Variants in TANC2 observed in about 807,000 individuals in gnomAD.
The protein encoded by TANC2 is protein TANC2.
TANC2 carries 26 observed loss-of-function variants against 210.5 expected under a neutral mutation model. The observed-to-expected ratio is 0.12, with a 90% CI of 0.09 to 0.17. The LOEUF is 0.17. Ranked by LOEUF, TANC2 falls within the 10% of genes least tolerant of loss-of-function variation. TANC2 has a pLI of 1.00. For missense variants in TANC2, 2,129 were observed against 2,608.9 expected (o/e 0.82, Z 4.01); for synonymous variants, 931 against 967.1 (o/e 0.96, Z 0.69).
intron 8 of TANC2, among the ~76,000 whole-genome samples, chr17:63,245,222 C>G (rs752849971): frequency 6.6e-6 from 1 of 152,074 alleles, no homozygotes; most frequent in Non-Finnish European, 1.5e-5. Flanking sequence ...CAAACTATAT[C>G]CTGTTCAGAC....
At chr17:63,356,701 CATATAA>C (rs932897548) in intron 14 of TANC2, among the ~76,000 whole-genome samples, 5 of 152,178 alleles carry the variant, frequency 3.3e-5, no homozygotes, top group African/African-American at 9.7e-5. Context: ...AAATTACCTG[CATATAA>C]ATCCTGCCTC....
At chr17:63,417,548 A>AT (rs1264101667) in intron 26 of TANC2, among the ~76,000 whole-genome samples, 5 of 152,006 alleles carry the variant, frequency 3.3e-5, no homozygotes, top group Non-Finnish European at 7.4e-5. Flanking sequence ...TTTATTTTTA[A>AT]TTTTAAGTGT....
intron 3 of TANC2, among the ~76,000 whole-genome samples, chr17:63,098,488 T>C (rs1467129838): frequency 1.2e-5 from 1 of 83,410 alleles, no homozygotes; most frequent in Non-Finnish European, 2.2e-5. Context: ...ACATACACTC[T>C]CTCTCTCTCT....
chr17:63,113,987 T>C (rs1445319412), intron 4 of TANC2, among the ~76,000 whole-genome samples: 2 of 152,240 alleles, frequency 1.3e-5, no homozygotes, highest in African/African-American at 4.8e-5. Context: ...GAAAAAATTA[T>C]GTATACATCT....
chr17:62,974,301 T>C (rs1165892070), intron 1 of TANC2, among the ~76,000 whole-genome samples: 1 of 152,234 alleles, frequency 6.6e-6, no homozygotes, highest in African/African-American at 2.4e-5. Context: ...TATTCCTTTT[T>C]TTTTCTTTAA....
At chr17:63,111,586 A>G (rs1364499090) in intron 4 of TANC2, among the ~76,000 whole-genome samples, 1 of 151,070 alleles carries the variant, frequency 6.6e-6, no homozygotes, top group East Asian at 1.9e-4. Flanking sequence ...ATGGTTTTCT[A>G]CTCTTCATCT....
intron 7 of TANC2, among the ~76,000 whole-genome samples, chr17:63,227,345 A>G (rs2042354749): frequency 6.6e-6 from 1 of 152,122 alleles, no homozygotes; most frequent in South Asian, 2.1e-4. Context: ...GCATTTCTCT[A>G]ATGATCAATG....
At chr17:63,066,871 G>A (rs1430320653) in intron 2 of TANC2, among the ~76,000 whole-genome samples, 1 of 152,040 alleles carries the variant, frequency 6.6e-6, no homozygotes, top group East Asian at 1.9e-4. Context: ...TTAGGGAAAT[G>A]GAAAGTGCTG....
chr17:62,970,902 C>T (rs914592537), intron 1 of TANC2, among the ~76,000 whole-genome samples: 1 of 152,110 alleles, frequency 6.6e-6, no homozygotes, highest in Admixed American at 6.5e-5. Context: ...CTAATCAAGG[C>T]ACCAAATATT....
In TANC2 at chr17:63,311,148, G is replaced by A. The variant is rs2045112143; in HGVS notation, c.1160-3240G>A. Reference sequence around the variant, plus strand: ...ACTGTTGTGCCAGTTAGCATGCTTAGAAATAGTTTCTGGCATATAGTAAAG... The same window carrying A: ...ACTGTTGTGCCAGTTAGCATGCTTAAAAATAGTTTCTGGCATATAGTAAAG... On this transcript the variant is annotated intron_variant, in intron 9 of 27. Coordinates refer to ENST00000689528, the Ensembl canonical transcript of TANC2. Among the ~76,000 whole-genome samples the A allele has an allele frequency of 3.3e-5, 5 of 152,186 alleles. No individual in the cohort carries two copies. The South Asian group carries it at 1.0e-3, about 32-fold the overall frequency.
chr17:63,262,098 AACAC>A (rs902941146), intron 8 of TANC2, among the ~76,000 whole-genome samples: 1 of 152,150 alleles, frequency 6.6e-6, no homozygotes, highest in African/African-American at 2.4e-5. Context: ...AAATTAGTAT[AACAC>A]ACACACACAT....
intron 2 of TANC2, among the ~76,000 whole-genome samples, chr17:63,045,968 T>G (rs890126674): frequency 6.6e-6 from 1 of 152,078 alleles, no homozygotes; most frequent in African/African-American, 2.4e-5. Flanking sequence ...ATTAAATATT[T>G]CTATATTCTA....
intron 5 of TANC2, among the ~76,000 whole-genome samples, chr17:63,185,099 A>C (rs2040933974): frequency 6.6e-6 from 1 of 151,662 alleles, no homozygotes; most frequent in Non-Finnish European, 1.5e-5. Context: ...GGCTCAAGCC[A>C]TCCTCTTACT....
chr17:63,067,251 G>A (rs1294121320), intron 2 of TANC2, among the ~76,000 whole-genome samples: 1 of 152,024 alleles, frequency 6.6e-6, no homozygotes, highest in African/African-American at 2.4e-5. Flanking sequence ...AATTTGCAAG[G>A]GAAAAGACAA....
At chr17:63,413,997 C>T (rs2048785565) in intron 25 of TANC2, among the ~76,000 whole-genome samples, 1 of 152,100 alleles carries the variant, frequency 6.6e-6, no homozygotes, top group East Asian at 1.9e-4. Context: ...TTTCATATGT[C>T]ATAATATATA....
At position 63,029,639 on chromosome 17, in the gene TANC2, T is replaced by C. The variant is rs1052438924; in HGVS notation, c.67+20013T>C. Among the ~76,000 whole-genome samples, 10 of 152,226 alleles carry C rather than the reference T, an allele frequency of 6.6e-5. 1 individual carries two copies. The highest frequency in any genetic ancestry group is 4.6e-4 in the Admixed American group (7 of 15,284). On this transcript the variant is annotated intron_variant, in intron 2 of 27. Transcript: ENST00000689528. ...GAAAGAACTTATGGCTGCCTCCAAT[T>C]TTGGTTCATTAATTCACTCCACAGA...
chr17:63,247,407 T>C (rs2042947273), intron 8 of TANC2, among the ~76,000 whole-genome samples: 1 of 152,050 alleles, frequency 6.6e-6, no homozygotes, highest in African/African-American at 2.4e-5. Context: ...TTGGGGTTTG[T>C]TTTAACTCAA....
At chr17:62,980,665 G>A (rs1445778506) in intron 1 of TANC2, among the ~76,000 whole-genome samples, 2 of 152,138 alleles carry the variant, frequency 1.3e-5, no homozygotes, top group Admixed American at 6.5e-5. Flanking sequence ...CAGGGCATCT[G>A]CATTAACTGG....
intron 7 of TANC2, among the ~76,000 whole-genome samples, chr17:63,203,747 A>G (rs748392237): frequency 2.0e-5 from 3 of 152,168 alleles, no homozygotes; most frequent in Non-Finnish European, 2.9e-5. Context: ...AGCACATTCA[A>G]AGAGCAGGGA....
Sources: gnomAD v4.1 joint callset for allele counts (sites outside exome capture counted in the v4.1 genomes callset) on GRCh38, gnomAD v4.1.1 for gene constraint, MANE v1.5 for transcripts, NCBI Gene and HGNC (gene_info 2026-07-23, HGNC 2026-07-21) for gene names.